Variants in KCNMA1 observed in about 807,000 individuals in gnomAD.
KCNMA1 encodes the protein potassium calcium-activated channel subfamily M alpha 1, also known as Calcium-activated potassium channel subunit alpha-1.
Under a neutral mutation model 140.0 loss-of-function variants are expected in KCNMA1, and 29 were observed. The ratio of observed to expected loss-of-function variants is 0.21; its 90% CI spans 0.15 to 0.28. The LOEUF (loss-of-function observed/expected upper bound fraction) is 0.28. KCNMA1 is among the 10% of genes least tolerant of loss of function. The pLI is 1.00. For synonymous variants in KCNMA1, 612 were observed against 611.9 expected (o/e 1.00, Z 0.00); for missense variants, 880 against 1,602.2 (o/e 0.55, Z 7.70).
intron 14 of KCNMA1, among the ~76,000 whole-genome samples, chr10:77,055,777 C>T (rs1010130455): frequency 6.6e-6 from 1 of 152,144 alleles, no homozygotes; most frequent in Non-Finnish European, 1.5e-5. Context: ...CCTCAGCAGC[C>T]CTTCCATCAA....
intron 2 of KCNMA1, among the ~76,000 whole-genome samples, chr10:77,332,803 T>C (rs150339778): frequency 3.3e-5 from 5 of 152,206 alleles, no homozygotes; most frequent in African/African-American, 1.2e-4. Context: ...TGAAAGCCAC[T>C]TAATCAGCCT....
At chr10:77,338,568 C>T (rs2089967740) in intron 2 of KCNMA1, among the ~76,000 whole-genome samples, 2 of 152,286 alleles carry the variant, frequency 1.3e-5, no homozygotes, top group South Asian at 4.2e-4. Context: ...CTGCAGAGCT[C>T]AGTTCACACC....
intron 25 of KCNMA1, among the ~76,000 whole-genome samples, chr10:76,894,288 A>G (rs1291388064): frequency 6.6e-6 from 1 of 152,222 alleles, no homozygotes; most frequent in African/African-American, 2.4e-5. Context: ...GCAGAAGAAT[A>G]AAGTGGGACC....
chr10:77,123,071 G>A (rs1002112822), intron 5 of KCNMA1, among the ~76,000 whole-genome samples: 4 of 150,452 alleles, frequency 2.7e-5, no homozygotes, highest in South Asian at 2.1e-4. Context: ...TCCCAGCTAC[G>A]CGGGAGGCTG....
chr10:77,583,016 C>T (rs535095460), intron 1 of KCNMA1, among the ~76,000 whole-genome samples: 1 of 152,364 alleles, frequency 6.6e-6, no homozygotes, highest in South Asian at 2.1e-4. Flanking sequence ...CCTCCTACTT[C>T]AGTCCACAGC....
At chr10:77,610,976 G>A (rs2086645062) in intron 1 of KCNMA1, among the ~76,000 whole-genome samples, 1 of 152,222 alleles carries the variant, frequency 6.6e-6, no homozygotes, top group African/African-American at 2.4e-5. Flanking sequence ...CCTGGCTTAA[G>A]CCATGAGCTA....
At position 76,885,886 on chromosome 10, in the gene KCNMA1, T is replaced by C. The variant is rs1054230392; in HGVS notation, c.*1380A>G. The C allele has an allele frequency of 1.0e-6, 1 of 985,272 alleles. No homozygotes were observed. Among genetic ancestry groups the C allele is most frequent in the African/African-American group, 1.7e-5 (1 of 57,250 alleles). 61.0% of individuals were successfully genotyped at this position (985,272 alleles called of 1,614,324 possible). On this transcript the variant is annotated 3_prime_UTR_variant, in exon 28 of 28. Transcript: ENST00000286628. ...AAAAAATAACTATACCAAAATGTGTTTGGCTCACTGTTGCACTCTTCTTAT... is the reference window on the plus strand; with the variant it reads ...AAAAAATAACTATACCAAAATGTGTCTGGCTCACTGTTGCACTCTTCTTAT...
At chr10:77,153,097 G>A (rs796283299) in intron 5 of KCNMA1, among the ~76,000 whole-genome samples, 6 of 152,118 alleles carry the variant, frequency 3.9e-5, no homozygotes, top group African/African-American at 1.4e-4. Context: ...ATTAGCATAT[G>A]GAAGGCTCTG....
intron 3 of KCNMA1, among the ~76,000 whole-genome samples, chr10:77,192,835 CCAACAGGCTGTG>C: frequency 6.6e-6 from 1 of 152,156 alleles, no homozygotes; most frequent in East Asian, 1.9e-4. Context: ...ATCCAAATGC[CCAACAGGCTGTG>C]CATTGGGCTA....
intron 19 of KCNMA1, among the ~76,000 whole-genome samples, chr10:76,991,129 G>A (rs1565405208): frequency 6.6e-6 from 1 of 152,146 alleles, no homozygotes; most frequent in Non-Finnish European, 1.5e-5. Flanking sequence ...CACCTCTCTA[G>A]CTACAACAGA....
chr10:77,607,069 A>G (rs2084822803), intron 1 of KCNMA1, among the ~76,000 whole-genome samples: 1 of 152,222 alleles, frequency 6.6e-6, no homozygotes, highest in Non-Finnish European at 1.5e-5. Flanking sequence ...TCTTTTGTCA[A>G]CTACTCACAA....
rs1328322372 is a variant in KCNMA1, at chr10:77,079,528, G to A, written c.1546C>T (p.His516Tyr). The change falls in exon 13 of 28, where the codon CAT becomes TAT. Residue 516 changes from histidine (H) to tyrosine (Y), a missense_variant. Around this residue, in one of 13 missense-constraint regions of KCNMA1, gnomAD observed 198 missense variants for 580.1 expected, o/e 0.34. Coordinates refer to ENST00000286628, the MANE Select transcript of KCNMA1 (RefSeq NM_001161352.2). ...TGAGTGATGATTCTTATCTTCGGATGGTAGTTCTTTATGGAGATTACTCTG... is the reference window on the plus strand; with the variant it reads ...TGAGTGATGATTCTTATCTTCGGATAGTAGTTCTTTATGGAGATTACTCTG... The part of the protein sequence containing the change: ...IMRVISIKNY[H>Y]PKIRIITQML... 1.9e-6 allele frequency: 3 copies of A among 1,611,310 alleles called. No individual in the cohort carries two copies. The highest frequency in any genetic ancestry group is 2.5e-6 in the Non-Finnish European group (3 of 1,177,626).
chr10:77,421,807 T>C (rs541489318), intron 1 of KCNMA1, among the ~76,000 whole-genome samples: 44 of 152,388 alleles, frequency 2.9e-4, no homozygotes, highest in African/African-American at 1.1e-3. Context: ...AAGCCACGTC[T>C]TGTTCACAGA....
chr10:77,153,300 C>A (rs2098445511), intron 5 of KCNMA1, among the ~76,000 whole-genome samples: 1 of 152,140 alleles, frequency 6.6e-6, no homozygotes. Context: ...TTCCAGCTCA[C>A]CCCCAAAATT....
At chr10:77,400,423 G>A (rs978311064) in intron 2 of KCNMA1, among the ~76,000 whole-genome samples, 1 of 152,198 alleles carries the variant, frequency 6.6e-6, no homozygotes, top group East Asian at 1.9e-4. Flanking sequence ...ACATGCAAAT[G>A]TTTAACAAGC....
intron 5 of KCNMA1, among the ~76,000 whole-genome samples, chr10:77,158,769 A>G (rs940230161): frequency 5.9e-5 from 9 of 152,174 alleles, no homozygotes; most frequent in African/African-American, 1.9e-4. Context: ...GTAGTTGCCC[A>G]GGTTTTATTT....
intron 2 of KCNMA1, among the ~76,000 whole-genome samples, chr10:77,392,749 TCTC>T (rs1390678645): frequency 6.6e-6 from 1 of 152,102 alleles, no homozygotes; most frequent in Non-Finnish European, 1.5e-5. Context: ...CGCTTTCCCA[TCTC>T]CTTTCAATGA....
At chr10:77,366,522 T>G (rs1328261543) in intron 2 of KCNMA1, among the ~76,000 whole-genome samples, 1 of 152,212 alleles carries the variant, frequency 6.6e-6, no homozygotes, top group Non-Finnish European at 1.5e-5. Flanking sequence ...TTATTATTTT[T>G]GTTACACCAC....
intron 1 of KCNMA1, among the ~76,000 whole-genome samples, chr10:77,601,845 G>T (rs1464721204): frequency 6.6e-6 from 1 of 152,138 alleles, no homozygotes; most frequent in Non-Finnish European, 1.5e-5. Flanking sequence ...CAAATTTTTT[G>T]GACCAAGAGC....
Sources: allele counts gnomAD v4.1 joint callset (sites outside exome capture counted in the v4.1 genomes callset), GRCh38; gene constraint gnomAD v4.1.1; regional missense constraint gnomAD v4.1.1; transcripts MANE v1.5; gene names NCBI Gene and HGNC (gene_info 2026-07-23, HGNC 2026-07-21).